PLCL2: variants seen among roughly 807,000 people sequenced by gnomAD.
PLCL2 encodes the protein inactive phospholipase C-like protein 2.
A neutral mutation model predicts 79.6 loss-of-function variants in PLCL2; 4 were observed. That is an observed-to-expected ratio of 0.05 (90% confidence interval 0.02 to 0.11). The LOEUF (loss-of-function observed/expected upper bound fraction) is 0.11. PLCL2 is among the 10% of genes least tolerant of loss of function. The pLI is 1.00. For synonymous variants in PLCL2, 484 were observed against 457.7 expected (o/e 1.06, Z -0.73); for missense variants, 895 against 1,291.0 (o/e 0.69, Z 4.70).
intron 1 of PLCL2, among the ~76,000 whole-genome samples, chr3:16,992,763 A>C (rs2064117271): frequency 6.6e-6 from 1 of 152,176 alleles, no homozygotes. Context: ...TAAGGATTGG[A>C]TTAAGGATCC....
chr3:16,972,234 C>G (rs1477132003), intron 1 of PLCL2, among the ~76,000 whole-genome samples: 1 of 152,146 alleles, frequency 6.6e-6, no homozygotes, highest in African/African-American at 2.4e-5. Flanking sequence ...AAGAGGAAGT[C>G]AAATTGTCCC....
At chr3:16,967,939 A>G (rs531605441) in intron 1 of PLCL2, among the ~76,000 whole-genome samples, 4 of 152,250 alleles carry the variant, frequency 2.6e-5, no homozygotes, top group South Asian at 2.1e-4. Context: ...TGATTTTTGC[A>G]TATGGTATAA....
At chr3:16,919,821 C>T (rs7427110) in intron 1 of PLCL2, among the ~76,000 whole-genome samples, 1 of 152,118 alleles carries the variant, frequency 6.6e-6, no homozygotes, top group African/African-American at 2.4e-5. Flanking sequence ...AAGTGTTCTT[C>T]TTGGGAATCC....
At chr3:17,002,369 A>G (rs2064220079) in intron 1 of PLCL2, among the ~76,000 whole-genome samples, 1 of 152,066 alleles carries the variant, frequency 6.6e-6, no homozygotes, top group Non-Finnish European at 1.5e-5. Context: ...TCTGTTGCCT[A>G]ATTACTCTGG....
chr3:16,978,437 C>A (rs2063948202), intron 1 of PLCL2, among the ~76,000 whole-genome samples: 1 of 152,196 alleles, frequency 6.6e-6, no homozygotes, highest in Non-Finnish European at 1.5e-5. Context: ...ACTCACAGTT[C>A]TGTTTCAGTT....
At chr3:16,979,837 T>C (rs1308192751) in intron 1 of PLCL2, among the ~76,000 whole-genome samples, 1 of 150,132 alleles carries the variant, frequency 6.7e-6, no homozygotes, top group African/African-American at 2.5e-5. Context: ...TGGCCCGTTC[T>C]CAATGAGCTG....
intron 1 of PLCL2, among the ~76,000 whole-genome samples, chr3:17,005,744 T>C (rs531077703): frequency 3.3e-5 from 5 of 152,198 alleles, no homozygotes; most frequent in Non-Finnish European, 5.9e-5. Context: ...TTTAAGATTG[T>C]CAAGAAATGC....
At chr3:16,975,443 C>T (rs191933669) in intron 1 of PLCL2, among the ~76,000 whole-genome samples, 18 of 152,046 alleles carry the variant, frequency 1.2e-4, no homozygotes, top group Non-Finnish European at 2.5e-4. Context: ...TTATTAGGCG[C>T]CTTTATTATA....
chr3:16,927,550 G>T (rs1176975210), intron 1 of PLCL2, among the ~76,000 whole-genome samples: 1 of 152,214 alleles, frequency 6.6e-6, no homozygotes, highest in East Asian at 1.9e-4. Context: ...AAGTTTAAGA[G>T]CTGGAAGGGA....
At chr3:17,002,756 C>A (rs991158964) in intron 1 of PLCL2, among the ~76,000 whole-genome samples, 10 of 152,170 alleles carry the variant, frequency 6.6e-5, no homozygotes, top group African/African-American at 2.4e-4. Context: ...CTCTTAGATG[C>A]TCTGTTTTGT....
At chr3:16,929,644 C>G (rs554277471) in intron 1 of PLCL2, among the ~76,000 whole-genome samples, 11 of 152,196 alleles carry the variant, frequency 7.2e-5, no homozygotes, top group Non-Finnish European at 1.5e-4. Context: ...CCAGGAATAG[C>G]AAACTTTCCT....
intron 1 of PLCL2, among the ~76,000 whole-genome samples, chr3:17,005,631 T>C (rs4472039): frequency 0.57 from 86,032 of 152,050 alleles, 24,699 homozygotes; most frequent in South Asian, 0.64. Flanking sequence ...GTTTCCCTAG[T>C]CTCTTTCTAG....
At chr3:17,038,182 A>C (rs562854378) in intron 3 of PLCL2, among the ~76,000 whole-genome samples, 144 of 152,338 alleles carry the variant, frequency 9.5e-4, no homozygotes, top group African/African-American at 2.9e-3. Flanking sequence ...GCTATGTTAC[A>C]TCCATAGATT....
intron 1 of PLCL2, among the ~76,000 whole-genome samples, chr3:16,896,221 G>A (rs1696475817): frequency 6.6e-6 from 1 of 152,148 alleles, no homozygotes; most frequent in African/African-American, 2.4e-5. Context: ...CTGTGGATCA[G>A]CATGTGAAAC....
intron 5 of PLCL2, among the ~76,000 whole-genome samples, chr3:17,077,404 GC>G (rs2065118666): frequency 6.6e-6 from 1 of 152,182 alleles, no homozygotes; most frequent in African/African-American, 2.4e-5. Flanking sequence ...TTTATGACTT[GC>G]CAACATGACT....
At chr3:17,015,988 T>C (rs1273885385) in intron 3 of PLCL2, among the ~76,000 whole-genome samples, 1 of 152,204 alleles carries the variant, frequency 6.6e-6, no homozygotes, top group African/African-American at 2.4e-5. Context: ...TCATAGGATG[T>C]TAGTAAATAT....
intron 1 of PLCL2, among the ~76,000 whole-genome samples, chr3:16,968,720 G>C (rs1007770261): frequency 2.0e-5 from 3 of 152,114 alleles, no homozygotes; most frequent in Admixed American, 6.6e-5. Context: ...TGCAAACAGA[G>C]ATAGTTTGAC....
chr3:16,929,767 C>G (rs1697351058), intron 1 of PLCL2, among the ~76,000 whole-genome samples: 1 of 152,148 alleles, frequency 6.6e-6, no homozygotes, highest in Non-Finnish European at 1.5e-5. Flanking sequence ...CTCTCTGTAT[C>G]CTGACATAGG....
intron 3 of PLCL2, among the ~76,000 whole-genome samples, chr3:17,021,682 T>C (rs2064456660): frequency 6.6e-6 from 1 of 151,734 alleles, no homozygotes; most frequent in Non-Finnish European, 1.5e-5. Flanking sequence ...CTTTAGGGGA[T>C]GGCAGTCTGC....
Sources: gnomAD v4.1 joint callset for allele counts (sites outside exome capture counted in the v4.1 genomes callset) on GRCh38, gnomAD v4.1.1 for gene constraint, MANE v1.5 for transcripts, NCBI Gene and HGNC (gene_info 2026-07-23, HGNC 2026-07-21) for gene names.